The following LRIG1 variants were observed in gnomAD, a reference collection of about 807,000 sequenced individuals.
The protein encoded by LRIG1 is leucine rich repeats and immunoglobulin like domains 1.
A neutral mutation model predicts 99.2 loss-of-function variants in LRIG1; 48 were observed. The ratio of observed to expected loss-of-function variants is 0.48; its 90% CI spans 0.38 to 0.62. The LOEUF is 0.62. Among genes scored for constraint, LRIG1 ranks in the 20% least tolerant of loss-of-function variants. The pLI is 0.00. For missense variants in LRIG1, 1,646 were observed against 1,434.4 expected (o/e 1.15, Z -2.38); for synonymous variants, 772 against 596.1 (o/e 1.29, Z -4.30).
intron 2 of LRIG1, among the ~76,000 whole-genome samples, chr3:66,452,892 G>C (rs985534406): frequency 6.6e-6 from 1 of 152,216 alleles, no homozygotes; most frequent in African/African-American, 2.4e-5. Context: ...ATCTGGCAGA[G>C]AGAAGGCAGA....
chr3:66,412,064 TA>T (rs1702484686), intron 6 of LRIG1, among the ~76,000 whole-genome samples: 1 of 152,248 alleles, frequency 6.6e-6, no homozygotes, highest in African/African-American at 2.4e-5. Context: ...TTTCAACGTT[TA>T]AAAAGCCTTT....
chr3:66,379,475 A>AGGCCACATTT lies in LRIG1; in HGVS notation c.*778_*787dup, dbSNP rs1303100842. On this transcript the variant is annotated 3_prime_UTR_variant, in exon 19 of 19. Coordinates refer to ENST00000273261, the MANE Select transcript of LRIG1 (RefSeq NM_015541.3). ...AAATAGCAATCGAATGATACTGAGA[A>AGGCCACATTT]GGCCACATTTGCTTTTATCATAAAA... is the stretch of plus-strand genomic sequence containing the variant. 6.6e-6 allele frequency: 1 copy of AGGCCACATTT among 152,210 alleles called. No homozygotes were observed. Among genetic ancestry groups the AGGCCACATTT allele is most frequent in the South Asian group, 2.1e-4 (1 of 4,828 alleles). 9.4% of individuals were successfully genotyped at this position (152,210 alleles called of 1,614,324 possible).
At chr3:66,496,061 C>G (rs1479692131) in intron 1 of LRIG1, among the ~76,000 whole-genome samples, 2 of 152,170 alleles carry the variant, frequency 1.3e-5, no homozygotes, top group South Asian at 2.1e-4. Flanking sequence ...GGAACCAGCT[C>G]TCATCACACT....
chr3:66,487,052 G>A (rs539672060), intron 1 of LRIG1, among the ~76,000 whole-genome samples: 23 of 152,172 alleles, frequency 1.5e-4, no homozygotes, highest in African/African-American at 3.9e-4. Context: ...ATAACTCCAC[G>A]GCGTCTGGCA....
chr3:66,478,240 T>C (rs546244480), intron 1 of LRIG1, among the ~76,000 whole-genome samples: 93 of 152,306 alleles, frequency 6.1e-4, no homozygotes, highest in African/African-American at 2.1e-3. Context: ...CACAACTAAT[T>C]TCAGTGCATG....
chr3:66,445,847 G>A (rs1190638731), intron 3 of LRIG1, among the ~76,000 whole-genome samples: 1 of 152,112 alleles, frequency 6.6e-6, no homozygotes, highest in Non-Finnish European at 1.5e-5. Context: ...AATGCCAGCC[G>A]CTGCCTGTTC....
intron 5 of LRIG1, 22 bp downstream of exon 5, chr3:66,414,898 A>G: frequency 6.5e-7 from 1 of 1,547,014 alleles, no homozygotes; most frequent in Non-Finnish European, 8.7e-7. Flanking sequence ...GCCTTAATTA[A>G]AGTGTAGGTT....
intron 3 of LRIG1, among the ~76,000 whole-genome samples, chr3:66,448,376 A>G (rs890879321): frequency 1.3e-5 from 2 of 152,224 alleles, no homozygotes; most frequent in African/African-American, 4.8e-5. Flanking sequence ...CAGAGGCAAA[A>G]GTCCATAATT....
At chr3:66,476,404 C>G (rs1277356457) in intron 1 of LRIG1, among the ~76,000 whole-genome samples, 1 of 152,152 alleles carries the variant, frequency 6.6e-6, no homozygotes, top group Non-Finnish European at 1.5e-5. Context: ...GGCCTAATCA[C>G]AATTCTCTTT....
chr3:66,479,727 CA>C (rs1431609045), intron 1 of LRIG1, among the ~76,000 whole-genome samples: 2 of 152,178 alleles, frequency 1.3e-5, no homozygotes, highest in Non-Finnish European at 2.9e-5. Context: ...AAATGCAAAT[CA>C]AAACCACAAC....
intron 6 of LRIG1, among the ~76,000 whole-genome samples, chr3:66,410,838 CCTGT>C (rs1359273033): frequency 1.3e-5 from 2 of 152,186 alleles, no homozygotes; most frequent in Non-Finnish European, 2.9e-5. Flanking sequence ...AGCCAGGTAA[CCTGT>C]CTAAGACTTT....
intron 2 of LRIG1, among the ~76,000 whole-genome samples, chr3:66,452,387 C>T (rs1703936253): frequency 1.3e-5 from 2 of 152,228 alleles, no homozygotes; most frequent in Non-Finnish European, 2.9e-5. Flanking sequence ...GGTCTGCCCC[C>T]AGAGGCTGTG....
chr3:66,380,875 C>A lies in LRIG1; in HGVS notation c.2771-14G>T, dbSNP rs772174273. The A allele has an allele frequency of 6.2e-7, 1 of 1,611,706 alleles. No homozygotes were observed. The highest frequency in any genetic ancestry group is 1.3e-5 in the African/African-American group (1 of 74,892). On this transcript the variant is annotated splice_polypyrimidine_tract_variant and intron_variant, in intron 17 of 18. Transcript: ENST00000273261. The stretch of plus-strand genomic sequence containing the variant: ...GGCCACCGTGTTCTGAAGGACAGCG[C>A]CAAAGATGGGTTAGAGTCACTGCTG...
intron 2 of LRIG1, among the ~76,000 whole-genome samples, chr3:66,459,979 TCA>T (rs982832463): frequency 2.0e-5 from 3 of 152,106 alleles, no homozygotes; most frequent in African/African-American, 7.2e-5. Flanking sequence ...ATTTTACTCA[TCA>T]TTTTTTTTTT....
At chr3:66,415,108 T>C (rs1485778046) in intron 4 of LRIG1, 45 bp from the exon 5 acceptor site, 3 of 1,553,608 alleles carry the variant, frequency 1.9e-6, no homozygotes, top group Non-Finnish European at 2.6e-6. Flanking sequence ...GTCAAAGGCC[T>C]TCCTCATTTC....
rs1201699507 is a variant in LRIG1, at chr3:66,378,990, TAGTC to T, written c.*1269_*1272del. 27 of 152,774 alleles carry T rather than the reference TAGTC, an allele frequency of 1.8e-4. No homozygotes were observed. Among genetic ancestry groups the T allele is most frequent in the Admixed American group, 1.4e-3 (22 of 15,304 alleles). The allele number at this position is 152,774 out of a possible 1,614,324, so 9.5% of individuals were successfully genotyped here. A position where few individuals can be genotyped will look rare whatever the true frequency, so the allele number is the denominator to read the frequency against. On this transcript the variant is annotated 3_prime_UTR_variant, in exon 19 of 19. Coordinates refer to ENST00000273261, the MANE Select transcript of LRIG1 (RefSeq NM_015541.3). Reference sequence around the variant, plus strand: ...TTCACATATTTTGTGGAAGTAAGATTAGTCAGTTAACTGTCAAGAACAAAATTCT... The same window carrying T: ...TTCACATATTTTGTGGAAGTAAGATTAGTTAACTGTCAAGAACAAAATTCT...
At chr3:66,464,230 G>C (rs191505677) in intron 1 of LRIG1, among the ~76,000 whole-genome samples, 2 of 152,298 alleles carry the variant, frequency 1.3e-5, no homozygotes, top group African/African-American at 4.8e-5. Context: ...TGTAACTTTT[G>C]TATCATCATA....
chr3:66,463,000 T>C (rs923536844), intron 1 of LRIG1, among the ~76,000 whole-genome samples: 1 of 152,170 alleles, frequency 6.6e-6, no homozygotes, highest in African/African-American at 2.4e-5. Context: ...CACTTGGCAA[T>C]GTCTGGAGAC....
At chr3:66,458,460 T>G (rs1409646711) in intron 2 of LRIG1, among the ~76,000 whole-genome samples, 1 of 152,120 alleles carries the variant, frequency 6.6e-6, no homozygotes, top group Admixed American at 6.5e-5. Flanking sequence ...CCCAGCACAC[T>G]GGGAGGCCAA....
Sources: gnomAD v4.1 joint callset for allele counts (sites outside exome capture counted in the v4.1 genomes callset) on GRCh38, gnomAD v4.1.1 for gene constraint, MANE v1.5 for transcripts, NCBI Gene and HGNC (gene_info 2026-07-23, HGNC 2026-07-21) for gene names.